The following ANOS1 variants were observed in gnomAD, a reference collection of about 807,000 sequenced individuals.
The protein encoded by ANOS1 is anosmin-1.
In ANOS1, 6 loss-of-function variants were observed where a neutral mutation model predicts 59.0. The observed-to-expected ratio is 0.10, with a 90% CI of 0.06 to 0.20. The LOEUF (loss-of-function observed/expected upper bound fraction) is 0.20, where lower values mean the gene tolerates loss of function less well. ANOS1 is among the 10% of genes least tolerant of loss of function. The pLI is 1.00. For synonymous variants in ANOS1, 217 were observed against 223.4 expected (o/e 0.97, Z 0.25); for missense variants, 433 against 542.3 (o/e 0.80, Z 2.00).
At position 8,576,454 on chromosome X, in the gene ANOS1, T is replaced by TTA. The variant is rs534495526; in HGVS notation, c.857-5752_857-5751dup. On this transcript the variant is annotated intron_variant, in intron 6 of 13. Coordinates refer to ENST00000262648, the MANE Select transcript of ANOS1 (RefSeq NM_000216.4). ...GTAGTTGGAGATTTCCATGTGAAAT[T>TTA]TATATATATATATACACACACACAC... Among the ~76,000 whole-genome samples, 110 of 97,619 alleles carry TTA rather than the reference T, an allele frequency of 1.1e-3. No individual in the cohort carries two copies. In the South Asian group the frequency reaches 0.014, roughly 13 times the overall value. The allele number at this position is 97,619 out of a possible 115,157, so 84.8% of individuals were successfully genotyped here.
intron 2 of ANOS1, among the ~76,000 whole-genome samples, chrX:8,664,291 C>T (rs940715721): frequency 2.7e-5 from 3 of 111,430 alleles, no homozygotes; most frequent in Non-Finnish European, 3.8e-5. Flanking sequence ...CCCGGGTTCA[C>T]GCCATTCTCC....
chrX:8,618,903 C>A lies in ANOS1; in HGVS notation c.318+4705G>T, dbSNP rs1013736169. On this transcript the variant is annotated intron_variant, in intron 3 of 13. Transcript: ENST00000262648. ...CCTGGACAAGAGGGGGAAACCCCAT[C>A]TCTACTAAAAATACAAAAAATAAGC... Among the ~76,000 whole-genome samples the A allele has an allele frequency of 4.6e-5, 5 of 108,471 alleles. No homozygotes were observed. The South Asian group carries it at 2.0e-3, about 44-fold the overall frequency. The allele number at this position is 108,471 out of a possible 115,157, so 94.2% of individuals were successfully genotyped here. A position where few individuals can be genotyped will look rare whatever the true frequency, so the allele number is the denominator to read the frequency against.
At chrX:8,602,080 G>C (rs1930853508) in intron 3 of ANOS1, among the ~76,000 whole-genome samples, 1 of 112,081 alleles carries the variant, frequency 8.9e-6, no homozygotes, top group African/African-American at 3.2e-5. Context: ...TCTTACAGAG[G>C]AGCTTTATTT....
At chrX:8,551,651 G>T (rs1245278185) in intron 9 of ANOS1, among the ~76,000 whole-genome samples, 1 of 109,789 alleles carries the variant, frequency 9.1e-6, no homozygotes, top group African/African-American at 3.3e-5. Context: ...TGCAAGAGTG[G>T]ATCAGAGTGG....
chrX:8,543,447 T>G (rs1343311652), intron 9 of ANOS1, among the ~76,000 whole-genome samples: 1 of 110,560 alleles, frequency 9.0e-6, no homozygotes, highest in East Asian at 2.8e-4. Context: ...GATATTTGCT[T>G]TGATGGAAGT....
At chrX:8,573,501 C>T (rs1305329768) in intron 6 of ANOS1, among the ~76,000 whole-genome samples, 1 of 111,628 alleles carries the variant, frequency 9.0e-6, no homozygotes, top group African/African-American at 3.3e-5. Flanking sequence ...TCTACACTCA[C>T]TCTCTAGGGA....
In ANOS1 at chrX:8,605,342, A is replaced by G. The variant is rs185779953; in HGVS notation, c.319-8086T>C. On this transcript the variant is annotated intron_variant, in intron 3 of 13. Coordinates refer to ENST00000262648, the MANE Select transcript of ANOS1 (RefSeq NM_000216.4). ...ATGAAGACAAGGTAGTGAGACAATG[A>G]AATGAGATGAAAAGGGTTAGAAAAG... is the stretch of plus-strand genomic sequence containing the variant. Among the ~76,000 whole-genome samples, 16 of 111,643 alleles carry G rather than the reference A, an allele frequency of 1.4e-4. No individual in the cohort carries two copies. The Admixed American group carries it at 1.4e-3, about 10-fold the overall frequency.
At chrX:8,672,374 G>A (rs182964218) in intron 2 of ANOS1, among the ~76,000 whole-genome samples, 71 of 112,274 alleles carry the variant, frequency 6.3e-4, no homozygotes, top group African/African-American at 2.2e-3. Context: ...AGGACACCCT[G>A]CTGGTAATGC....
intron 2 of ANOS1, among the ~76,000 whole-genome samples, chrX:8,668,430 T>TATAC (rs1394731479): frequency 3.5e-3 from 284 of 80,132 alleles, no homozygotes; most frequent in African/African-American, 7.3e-3. Context: ...TATATATATA[T>TATAC]ACACACACAT....
At chrX:8,699,341 T>C (rs1165939234) in intron 2 of ANOS1, among the ~76,000 whole-genome samples, 1 of 111,971 alleles carries the variant, frequency 8.9e-6, no homozygotes, top group Non-Finnish European at 1.9e-5. Context: ...ATAGAATACA[T>C]TAAATCTTCT....
chrX:8,606,802 T>C (rs1392485038), intron 3 of ANOS1, among the ~76,000 whole-genome samples: 1 of 112,937 alleles, frequency 8.9e-6, no homozygotes, highest in African/African-American at 3.2e-5. Flanking sequence ...TTAATGGGCA[T>C]GTATAGTTTC....
At chrX:8,566,574 T>A (rs1033719018) in intron 8 of ANOS1, among the ~76,000 whole-genome samples, 2 of 111,358 alleles carry the variant, frequency 1.8e-5, no homozygotes, top group African/African-American at 6.5e-5. Flanking sequence ...GACACAGTGA[T>A]GTCATAATTC....
chrX:8,679,383 T>C (rs1932385031), intron 2 of ANOS1, among the ~76,000 whole-genome samples: 1 of 110,824 alleles, frequency 9.0e-6, no homozygotes, highest in Non-Finnish European at 1.9e-5. Flanking sequence ...AGAATGATGG[T>C]TGTGGAATGG....
intron 6 of ANOS1, among the ~76,000 whole-genome samples, chrX:8,570,956 A>T (rs1410663403): frequency 9.1e-6 from 1 of 109,484 alleles, no homozygotes; most frequent in African/African-American, 3.3e-5. Context: ...TACAAAATTT[A>T]AAAAATTAGC....
chrX:8,717,828 T>C (rs1343520087), intron 1 of ANOS1, among the ~76,000 whole-genome samples: 2 of 111,450 alleles, frequency 1.8e-5, no homozygotes, highest in Admixed American at 9.5e-5. Flanking sequence ...CTGGGCAACA[T>C]AGTGAGACCC....
intron 1 of ANOS1, among the ~76,000 whole-genome samples, chrX:8,726,330 G>A: frequency 9.0e-6 from 1 of 111,530 alleles, no homozygotes; most frequent in Non-Finnish European, 1.9e-5. Context: ...AGCTACCAAA[G>A]GGAGCCTATC....
intron 2 of ANOS1, among the ~76,000 whole-genome samples, chrX:8,657,532 G>A (rs908468831): frequency 9.9e-5 from 10 of 101,457 alleles, no homozygotes; most frequent in African/African-American, 1.1e-4. Flanking sequence ...GCAGTGGCAC[G>A]ATACCAGCTC....
chrX:8,634,200 T>C (rs1404885713), intron 2 of ANOS1, among the ~76,000 whole-genome samples: 1 of 110,908 alleles, frequency 9.0e-6, no homozygotes, highest in East Asian at 2.8e-4. Context: ...AGGTAAAGAA[T>C]CATGATGCCT....
At chrX:8,561,933 T>G (rs1324206631) in intron 8 of ANOS1, among the ~76,000 whole-genome samples, 3 of 110,788 alleles carry the variant, frequency 2.7e-5, no homozygotes, top group Non-Finnish European at 3.8e-5. Flanking sequence ...TTTTCTTTCT[T>G]TCTTTCTTTT....
Sources: allele counts gnomAD v4.1 joint callset (sites outside exome capture counted in the v4.1 genomes callset), GRCh38; gene constraint gnomAD v4.1.1; transcripts MANE v1.5; gene names NCBI Gene and HGNC (gene_info 2026-07-23, HGNC 2026-07-21).